TSG101: variants seen among roughly 807,000 people sequenced by gnomAD.
The protein encoded by TSG101 is tumor susceptibility 101.
In TSG101, 19 loss-of-function variants were observed where a neutral mutation model predicts 48.5. The ratio of observed to expected loss-of-function variants is 0.39; its 90% CI spans 0.27 to 0.58. TSG101 has a LOEUF of 0.58. TSG101 is among the 20% of genes least tolerant of loss of function. The pLI is 0.55. For synonymous variants in TSG101, 174 were observed against 169.4 expected (o/e 1.03, Z -0.21); for missense variants, 365 against 484.4 (o/e 0.75, Z 2.31).
chr11:18,521,305 C>A (rs556127098), intron 1 of TSG101, among the ~76,000 whole-genome samples: 8 of 151,402 alleles, frequency 5.3e-5, no homozygotes, highest in African/African-American at 1.9e-4. Flanking sequence ...TCTTACTTCA[C>A]CTGTCAGCAG....
intron 1 of TSG101, among the ~76,000 whole-genome samples, chr11:18,520,464 A>G (rs1042971147): frequency 6.6e-6 from 1 of 152,106 alleles, no homozygotes; most frequent in African/African-American, 2.4e-5. Context: ...ACCTCAAGCA[A>G]TCCTCCTGCC....
chr11:18,482,269 G>C (rs183686733), intron 8 of TSG101, among the ~76,000 whole-genome samples: 1 of 152,320 alleles, frequency 6.6e-6, no homozygotes, highest in East Asian at 1.9e-4. Flanking sequence ...TCTATGAAGA[G>C]GATTCAATGC....
chr11:18,497,747 A>G (rs1031687603), intron 7 of TSG101, among the ~76,000 whole-genome samples: 3 of 152,226 alleles, frequency 2.0e-5, no homozygotes, highest in Non-Finnish European at 4.4e-5. Flanking sequence ...TGCTTTGCTT[A>G]TGGATTAAAG....
intron 5 of TSG101, among the ~76,000 whole-genome samples, chr11:18,507,327 C>T (rs887094604): frequency 6.6e-6 from 1 of 152,120 alleles, no homozygotes; most frequent in Non-Finnish European, 1.5e-5. Context: ...ACTATGTTGG[C>T]CAATTAGCAC....
intron 9 of TSG101, chr11:18,481,246 T>C (rs1057281018): frequency 1.0e-6 from 1 of 978,310 alleles, no homozygotes; most frequent in Non-Finnish European, 1.2e-6. Flanking sequence ...TCTAAAGTTA[T>C]ATAACTCTAA....
In TSG101 at chr11:18,509,544, T is replaced by C. The variant is rs756358482; in HGVS notation, c.479A>G (p.Asn160Ser). The stretch of plus-strand genomic sequence containing the variant: ...AGTAAAATCTCAATTCTACTTACTA[T>C]TTGGTGGCCCCGTTGCCTGGTATGG... Reference protein sequence around the residue: ...YPPYQATGPPNTSYMPGMPGG... With the variant: ...YPPYQATGPPSTSYMPGMPGG... Residue 160 changes from asparagine (N) to serine (S), a missense_variant and splice_region_variant, in exon 5 of 10, where the codon AAT becomes AGT. By Grantham distance (46) the Asn-to-Ser change is conservative (BLOSUM62 1). Transcript: ENST00000251968. 2 of 1,612,798 alleles carry C rather than the reference T, an allele frequency of 1.2e-6. No individual in the cohort carries two copies. The highest frequency in any genetic ancestry group is 1.7e-6 in the Non-Finnish European group (2 of 1,179,344).
intron 1 of TSG101, among the ~76,000 whole-genome samples, chr11:18,522,453 G>C (rs1023509300): frequency 1.3e-5 from 2 of 152,100 alleles, no homozygotes; most frequent in Non-Finnish European, 2.9e-5. Context: ...CAGCAAATCT[G>C]TCAAAATATC....
At chr11:18,505,713 T>C (rs746396658) in intron 6 of TSG101, among the ~76,000 whole-genome samples, 1 of 152,226 alleles carries the variant, frequency 6.6e-6, no homozygotes, top group Non-Finnish European at 1.5e-5. Context: ...TAAAGGTTGA[T>C]AGTACAGGTA....
chr11:18,495,748 T>C (rs1003066827), intron 7 of TSG101, among the ~76,000 whole-genome samples: 5 of 151,728 alleles, frequency 3.3e-5, no homozygotes, highest in African/African-American at 1.2e-4. Context: ...CCCTAGTTAG[T>C]TTTCAAAACA....
intron 7 of TSG101, among the ~76,000 whole-genome samples, chr11:18,485,549 T>A (rs1376949769): frequency 6.6e-6 from 1 of 152,198 alleles, no homozygotes; most frequent in Non-Finnish European, 1.5e-5. Context: ...TGTGCTTTTT[T>A]GGAAACTTCC....
intron 4 of TSG101, among the ~76,000 whole-genome samples, chr11:18,512,527 G>C (rs1453020505): frequency 2.0e-5 from 3 of 152,074 alleles, no homozygotes; most frequent in Non-Finnish European, 2.9e-5. Flanking sequence ...GTGGAGTGGA[G>C]GGATGTCCCG....
intron 7 of TSG101, among the ~76,000 whole-genome samples, chr11:18,487,407 AT>A (rs1849635515): frequency 6.6e-6 from 1 of 152,202 alleles, no homozygotes; most frequent in Non-Finnish European, 1.5e-5. Context: ...CTGATTTATA[AT>A]TTTGGTCTCT....
At chr11:18,514,878 T>C (rs1164088667) in intron 3 of TSG101, 37 bp from the exon 4 acceptor site, 34 of 1,503,042 alleles carry the variant, frequency 2.3e-5, no homozygotes, top group Non-Finnish European at 2.8e-5. Flanking sequence ...ACTCTATTTT[T>C]ATTATTTTTA....
chr11:18,516,469 C>T (rs544069421), intron 2 of TSG101, among the ~76,000 whole-genome samples: 38 of 151,886 alleles, frequency 2.5e-4, no homozygotes, highest in Non-Finnish European at 4.0e-4. Flanking sequence ...CTCAGCATCC[C>T]GAGTAGTTGG....
chr11:18,526,649 G>A (rs1343054034), intron 1 of TSG101, 126 bp downstream of exon 1: 5 of 1,176,108 alleles, frequency 4.3e-6, no homozygotes, highest in Admixed American at 2.5e-5. Context: ...TGAGGAGGTC[G>A]CTAAGGACTG....
At chr11:18,488,867 T>C (rs1209949532) in intron 7 of TSG101, among the ~76,000 whole-genome samples, 1 of 152,116 alleles carries the variant, frequency 6.6e-6, no homozygotes, top group Non-Finnish European at 1.5e-5. Flanking sequence ...GGCTCACACC[T>C]GCAATTCCAG....
intron 7 of TSG101, among the ~76,000 whole-genome samples, chr11:18,496,602 T>A (rs1287856497): frequency 2.0e-5 from 3 of 151,992 alleles, no homozygotes; most frequent in Non-Finnish European, 4.4e-5. Context: ...CACGGGTGGA[T>A]CACTTGAATC....
intron 1 of TSG101, among the ~76,000 whole-genome samples, chr11:18,525,036 G>C (rs983533938): frequency 6.7e-6 from 1 of 150,362 alleles, no homozygotes; most frequent in Non-Finnish European, 1.5e-5. Context: ...TCAGCCTCCC[G>C]AGTAGGCTGG....
chr11:18,496,830 C>A (rs997614845), intron 7 of TSG101, among the ~76,000 whole-genome samples: 1 of 152,098 alleles, frequency 6.6e-6, no homozygotes, highest in African/African-American at 2.4e-5. Context: ...GTGGCTCAGG[C>A]CTGTAATACC....
Sources: allele counts gnomAD v4.1 joint callset (sites outside exome capture counted in the v4.1 genomes callset), GRCh38; gene constraint gnomAD v4.1.1; transcripts MANE v1.5; gene names NCBI Gene and HGNC (gene_info 2026-07-23, HGNC 2026-07-21).